ITSN2: variants seen among roughly 807,000 people sequenced by gnomAD.
ITSN2 encodes intersectin-2.
A neutral mutation model predicts 243.7 loss-of-function variants in ITSN2; 156 were observed. The ratio of observed to expected loss-of-function variants is 0.64; its 90% CI spans 0.56 to 0.73. The LOEUF is 0.73. Among genes scored for constraint, ITSN2 ranks in the 30% least tolerant of loss-of-function variants. ITSN2 has a pLI of 0.00. For missense variants in ITSN2, 1,801 were observed against 1,996.1 expected, an observed-to-expected ratio of 0.90 and a Z score of 1.86; for synonymous variants, 703 against 699.9, an observed-to-expected ratio of 1.00 and a Z score of -0.07.
Position 24,312,197 on chromosome 2 carries a change from T to C in ITSN2, c.352+15A>G. The C allele has an allele frequency of 6.3e-7, 1 of 1,580,130 alleles. No individual in the cohort carries two copies. ...TAAGTAGCAAATACAGGTATTTAAA[T>C]TAATACATACTTACCAAAACGAGCA... On this transcript the variant is annotated intron_variant, in intron 5 of 39. Coordinates refer to ENST00000355123, the MANE Select transcript of ITSN2 (RefSeq NM_006277.3).
chr2:24,204,443 C>T lies in ITSN2; in HGVS notation c.4763-25G>A, dbSNP rs766980541. On this transcript the variant is annotated intron_variant, in intron 38 of 39. Coordinates refer to ENST00000355123, the MANE Select transcript of ITSN2 (RefSeq NM_006277.3). This position sits in a 1 kb window ranked among gnomAD's most constrained non-coding sequence, Gnocchi z 5.1. ...CCTGAACAAAAACAAACCACAGACA[C>T]ATGTGGTGCATGCAGGTAAAACGAA... is the stretch of plus-strand genomic sequence containing the variant. The T allele has an allele frequency of 1.2e-6, 2 of 1,604,622 alleles. No individual in the cohort carries two copies. The highest frequency in any genetic ancestry group is 1.7e-6 in the Non-Finnish European group (2 of 1,171,440).
chr2:24,312,125 G>T, intron 5 of ITSN2, 87 bp downstream of exon 5: 1 of 1,092,886 alleles, frequency 9.2e-7, no homozygotes, highest in Non-Finnish European at 1.3e-6. Flanking sequence ...GTCATTTTGT[G>T]CTAACAAATC....
At chr2:24,248,941 T>C in intron 25 of ITSN2, 59 bp from the exon 26 acceptor site, 3 of 1,484,342 alleles carry the variant, frequency 2.0e-6, no homozygotes, top group South Asian at 2.3e-5. Context: ...TGTAAAAGTA[T>C]AAAGGTTAAT....
rs745409052 is a variant in ITSN2 at position 24,210,926 on chromosome 2, T to G, written c.4111A>C (p.Ser1371Arg). The G allele has an allele frequency of 5.6e-6, 9 of 1,614,184 alleles. No individual in the cohort carries two copies. The highest frequency in any genetic ancestry group is 6.8e-6 in the Non-Finnish European group (8 of 1,180,022). Residue 1371 changes from serine (S) to arginine (R), a missense_variant, in exon 34 of 40, where the codon AGC becomes CGC. This residue lies in a region of ITSN2 where 928 missense variants were observed against 1,065.4 expected (regional missense o/e 0.87). Coordinates refer to ENST00000355123, the MANE Select transcript of ITSN2 (RefSeq NM_006277.3). ...TTTAGGGAGGAATGGTCTGCATGGC[T>G]CTCCGGGGTGTTCTCCAGAATCTGG... is the stretch of plus-strand genomic sequence containing the variant. ...IRSILENTPE[S>R]HADHSSLKLA...
At chr2:24,329,363 G>A (rs1030480284) in intron 1 of ITSN2, among the ~76,000 whole-genome samples, 3 of 152,114 alleles carry the variant, frequency 2.0e-5, no homozygotes, top group Admixed American at 6.6e-5. Flanking sequence ...GGGTTCAAGC[G>A]ATTCTCCAGC....
At chr2:24,278,270 A>G (rs1363969966) in intron 17 of ITSN2, among the ~76,000 whole-genome samples, 2 of 152,162 alleles carry the variant, frequency 1.3e-5, no homozygotes, top group Non-Finnish European at 2.9e-5. Context: ...GCCATTCTGT[A>G]TATTCCTCTA....
At chr2:24,313,876 GGA>G (rs1386243968) in intron 3 of ITSN2, among the ~76,000 whole-genome samples, 2 of 152,166 alleles carry the variant, frequency 1.3e-5, no homozygotes, top group Non-Finnish European at 2.9e-5. Flanking sequence ...CCAGGTGTTA[GGA>G]GAGAGAGTCC....
chr2:24,208,417 C>T (rs1236762268), intron 36 of ITSN2, 98 bp from the exon 37 acceptor site: 2 of 877,358 alleles, frequency 2.3e-6, no homozygotes, highest in Non-Finnish European at 3.7e-6. Context: ...CTTTTGCTAA[C>T]CTCAACTTTC....
intron 2 of ITSN2, among the ~76,000 whole-genome samples, chr2:24,326,030 C>A (rs1685126857): frequency 6.6e-6 from 1 of 152,134 alleles, no homozygotes; most frequent in Admixed American, 6.5e-5. Context: ...CAATCTATGT[C>A]AGGATTACTA....
At chr2:24,208,162 C>T in intron 37 of ITSN2, 75 bp downstream of exon 37, 1 of 1,238,240 alleles carries the variant, frequency 8.1e-7, no homozygotes, top group Non-Finnish European at 1.2e-6. Context: ...ATATCATCAG[C>T]CTGACTGCAG....
At chr2:24,343,091 A>C (rs913512836) in intron 1 of ITSN2, among the ~76,000 whole-genome samples, 1 of 140,036 alleles carries the variant, frequency 7.1e-6, no homozygotes, top group Non-Finnish European at 1.6e-5. Context: ...ACCCCATCTC[A>C]AAAAAAAAAA....
intron 17 of ITSN2, 93 bp downstream of exon 17, chr2:24,284,670 A>G: frequency 1.3e-6 from 1 of 754,268 alleles, no homozygotes. Flanking sequence ...TTTCAAACAA[A>G]GATACTCAGA....
At chr2:24,222,572 CTTCA>C (rs1263432340) in intron 29 of ITSN2, among the ~76,000 whole-genome samples, 2 of 151,366 alleles carry the variant, frequency 1.3e-5, no homozygotes, top group African/African-American at 2.4e-5. Flanking sequence ...ATGTGATCCT[CTTCA>C]TTTTTCCTTT....
In ITSN2 at chr2:24,301,977, G is replaced by C; in HGVS notation, c.983C>G (p.Pro328Arg). The C allele has an allele frequency of 6.2e-7, 1 of 1,608,932 alleles. No homozygotes were observed. Among genetic ancestry groups the C allele is most frequent in the Non-Finnish European group, 8.5e-7 (1 of 1,177,278 alleles). ...LPLTLPPELV[P>R]PSFRGGKQID... Reference sequence around the variant, plus strand: ...CAGGCACACTCACCTGAAAGATGGAGGAACAAGCTCAGGAGGTAAAGTCAG... The same window carrying C: ...CAGGCACACTCACCTGAAAGATGGACGAACAAGCTCAGGAGGTAAAGTCAG... Residue 328 changes from proline to arginine, a missense_variant, in exon 10 of 40, where the codon CCT becomes CGT. This residue lies in a region of ITSN2 where 787 missense variants were observed against 803.9 expected (regional missense o/e 0.98). Coordinates refer to ENST00000355123, the MANE Select transcript of ITSN2 (RefSeq NM_006277.3).
In ITSN2 at chr2:24,233,817, C is replaced by T. The variant is rs564588711; in HGVS notation, c.3577+12312G>A. Reference sequence around the variant, plus strand: ...GAGCTAGCTGAGACAGGAATCAAAGCAATCCTCCCACTATACTTCCCACTA... The same window carrying T: ...GAGCTAGCTGAGACAGGAATCAAAGTAATCCTCCCACTATACTTCCCACTA... On this transcript the variant is annotated intron_variant, in intron 29 of 39. Transcript: ENST00000355123. Among the ~76,000 whole-genome samples, 31 of 152,266 alleles carry T rather than the reference C, an allele frequency of 2.0e-4. No individual in the cohort carries two copies. The South Asian group carries it at 5.4e-3, about 26-fold the overall frequency.
At chr2:24,207,257 C>G (rs767069641) in intron 37 of ITSN2, among the ~76,000 whole-genome samples, 1 of 151,874 alleles carries the variant, frequency 6.6e-6, no homozygotes, top group Non-Finnish European at 1.5e-5. Flanking sequence ...GCCTGTGATA[C>G]GGGGACAGGA....
chr2:24,300,196 T>C (rs748528193), intron 11 of ITSN2, 25 bp from the exon 12 acceptor site: 9 of 1,611,954 alleles, frequency 5.6e-6, no homozygotes, highest in Non-Finnish European at 5.9e-6. Flanking sequence ...CCTATCAGCA[T>C]CCACACACAT....
At chr2:24,337,177 A>C (rs2151887010) in intron 1 of ITSN2, among the ~76,000 whole-genome samples, 1 of 150,122 alleles carries the variant, frequency 6.7e-6, no homozygotes, top group Admixed American at 6.6e-5. Context: ...TCATGATTCA[A>C]TATTTTGAAT....
At chr2:24,319,315 G>A (rs1331255654) in intron 2 of ITSN2, among the ~76,000 whole-genome samples, 1 of 152,152 alleles carries the variant, frequency 6.6e-6, no homozygotes, top group African/African-American at 2.4e-5. Flanking sequence ...TAGACCCCAG[G>A]AGGTATGGTA....
Sources: gnomAD v4.1 joint callset for allele counts (sites outside exome capture counted in the v4.1 genomes callset) on GRCh38, gnomAD v4.1.1 for gene constraint, gnomAD v4.1.1 regional missense constraint, Gnocchi (gnomAD v3.1) non-coding constraint, MANE v1.5 for transcripts, NCBI Gene and HGNC (gene_info 2026-07-23, HGNC 2026-07-21) for gene names.